The following CSMD3 variants were observed in gnomAD, a reference collection of about 807,000 sequenced individuals.
The protein encoded by CSMD3 is CUB and Sushi multiple domains 3.
Under a neutral mutation model 435.2 loss-of-function variants are expected in CSMD3, and 177 were observed. That is an observed-to-expected ratio of 0.41 (90% CI 0.36 to 0.46). The LOEUF is 0.46. Among genes scored for constraint, CSMD3 ranks in the 20% least tolerant of loss-of-function variants. CSMD3 has a pLI of 0.34. For synonymous variants in CSMD3, 1,656 were observed against 1,520.5 expected (o/e 1.09, Z -2.07); for missense variants, 4,265 against 4,504.6 (o/e 0.95, Z 1.52).
chr8:112,472,838 TA>T, intron 31 of CSMD3, 131 bp from the exon 32 acceptor site: 1 of 650,596 alleles, frequency 1.5e-6, no homozygotes, highest in South Asian at 1.7e-5. Context: ...CATCTTATAA[TA>T]AGATCCTCTA....
chr8:113,002,788 G>A (rs1211503244), intron 6 of CSMD3, among the ~76,000 whole-genome samples: 1 of 151,980 alleles, frequency 6.6e-6, no homozygotes, highest in Non-Finnish European at 1.5e-5. Flanking sequence ...TTTTACTAAG[G>A]ATCATGTTTT....
chr8:112,908,162 T>C (rs556492191), intron 10 of CSMD3, among the ~76,000 whole-genome samples: 3 of 151,604 alleles, frequency 2.0e-5, no homozygotes, highest in East Asian at 2.0e-4. Context: ...CTTTAGGAAA[T>C]ACTAGCTTAA....
intron 57 of CSMD3, among the ~76,000 whole-genome samples, chr8:112,288,835 TTATTAA>T (rs1819485631): frequency 6.6e-6 from 1 of 152,124 alleles, no homozygotes; most frequent in African/African-American, 2.4e-5. Flanking sequence ...AATATGTCAC[TTATTAA>T]TATTAGGATA....
chr8:112,945,624 G>A (rs893172238), intron 9 of CSMD3, among the ~76,000 whole-genome samples: 5 of 145,668 alleles, frequency 3.4e-5, no homozygotes, highest in Non-Finnish European at 7.6e-5. Context: ...GTGTGTGTGT[G>A]TATAATATTC....
At chr8:112,563,786 T>C (rs928340051) in intron 24 of CSMD3, among the ~76,000 whole-genome samples, 1 of 152,084 alleles carries the variant, frequency 6.6e-6, no homozygotes, top group African/African-American at 2.4e-5. Flanking sequence ...CAGTACTTGG[T>C]GTTGTACAGC....
rs527531548 is a variant in CSMD3, at chr8:113,430,803, ATT to A, written c.178+5872_178+5873del. 1.5e-3 allele frequency among the ~76,000 whole-genome samples: 234 copies of A among 152,320 alleles called. 1 individual carries two copies. Among genetic ancestry groups the A allele is most frequent in the African/African-American group, 5.3e-3 (221 of 41,566 alleles). On this transcript the variant is annotated intron_variant, in intron 1 of 70. Transcript: ENST00000297405. ...GTATATAATACATATGTTAATGTAAATTTAGACATTTTAAAGATTTCAAATTA... is the reference window on the plus strand; with the variant it reads ...GTATATAATACATATGTTAATGTAAATAGACATTTTAAAGATTTCAAATTA...
At position 113,063,643 on chromosome 8, in the gene CSMD3, C is replaced by A. The variant is rs542125222; in HGVS notation, c.917+35113G>T. On this transcript the variant is annotated intron_variant, in intron 5 of 70. Coordinates refer to ENST00000297405, the MANE Select transcript of CSMD3 (RefSeq NM_198123.2). ...CCGCTGTTCTTAATAAATCAGTCTG[C>A]AAACTACTGATCCATGTTACTGCAT... Among the ~76,000 whole-genome samples, 19 of 151,982 alleles carry A rather than the reference C, an allele frequency of 1.3e-4. No individual in the cohort carries two copies. In the East Asian group the frequency reaches 3.1e-3, roughly 25 times the overall value.
chr8:112,468,232 G>GTGTT (rs1818152244), intron 32 of CSMD3, among the ~76,000 whole-genome samples: 1 of 114,880 alleles, frequency 8.7e-6, no homozygotes. Context: ...ATTGCCTAAA[G>GTGTT]TATTTTTTTT....
At chr8:113,220,766 G>T (rs897390459) in intron 3 of CSMD3, among the ~76,000 whole-genome samples, 1 of 151,212 alleles carries the variant, frequency 6.6e-6, no homozygotes, top group Non-Finnish European at 1.5e-5. Flanking sequence ...AATTGCAAAG[G>T]GGGAAGTAAC....
intron 3 of CSMD3, among the ~76,000 whole-genome samples, chr8:113,196,309 T>C (rs764210285): frequency 1.3e-5 from 2 of 151,170 alleles, no homozygotes; most frequent in African/African-American, 2.4e-5. Flanking sequence ...TGGGTAAAGA[T>C]GGAATGAAAG....
At chr8:112,863,660 TAAAGG>T (rs2080887575) in intron 10 of CSMD3, among the ~76,000 whole-genome samples, 2 of 152,098 alleles carry the variant, frequency 1.3e-5, no homozygotes, top group African/African-American at 4.8e-5. Flanking sequence ...TTTGTCAAAG[TAAAGG>T]AGATTGGTGT....
rs562599404 is a variant in CSMD3 at position 113,408,980 on chromosome 8, T to C, written c.178+27697A>G. Among the ~76,000 whole-genome samples the C allele has an allele frequency of 6.6e-5, 10 of 151,994 alleles. No homozygotes were observed. In the East Asian group the frequency reaches 1.9e-3, roughly 30 times the overall value. ...GCTAATGCCCAGCCTATACAGAAAA[T>C]TTTTATAATAAAATTTCAAGAGTTT... On this transcript the variant is annotated intron_variant, in intron 1 of 70. Transcript: ENST00000297405.
At chr8:112,693,925 T>G (rs1423687145) in intron 13 of CSMD3, among the ~76,000 whole-genome samples, 2 of 151,660 alleles carry the variant, frequency 1.3e-5, no homozygotes, top group African/African-American at 4.8e-5. Flanking sequence ...ATTTATATAT[T>G]ATAAATTTCA....
At chr8:112,429,159 A>C (rs1337697799) in intron 32 of CSMD3, among the ~76,000 whole-genome samples, 1 of 152,046 alleles carries the variant, frequency 6.6e-6, no homozygotes, top group African/African-American at 2.4e-5. Flanking sequence ...TAGAACTAAA[A>C]TTTTGTATCC....
At chr8:112,375,950 G>T (rs10955620) in intron 38 of CSMD3, among the ~76,000 whole-genome samples, 3 of 151,992 alleles carry the variant, frequency 2.0e-5, no homozygotes, top group African/African-American at 7.2e-5. Flanking sequence ...ATACCAACCC[G>T]ACTGAAATAG....
intron 28 of CSMD3, among the ~76,000 whole-genome samples, chr8:112,513,204 A>G (rs1823314542): frequency 6.6e-6 from 1 of 152,240 alleles, no homozygotes; most frequent in Admixed American, 6.5e-5. Flanking sequence ...CATTCAGAAC[A>G]TGGGTAACTA....
chr8:112,747,941 C>A (rs1210368823), intron 13 of CSMD3, among the ~76,000 whole-genome samples: 1 of 132,362 alleles, frequency 7.6e-6, no homozygotes, highest in Non-Finnish European at 1.5e-5. Flanking sequence ...CCCGCCTGGG[C>A]GACAGAACAA....
intron 38 of CSMD3, among the ~76,000 whole-genome samples, chr8:112,363,049 T>C (rs940182615): frequency 8.6e-5 from 13 of 152,014 alleles, no homozygotes; most frequent in Non-Finnish European, 1.9e-4. Flanking sequence ...CTGTGTTTAA[T>C]GCAGGGAGAA....
At chr8:113,350,481 A>T (rs1444238847) in intron 1 of CSMD3, among the ~76,000 whole-genome samples, 1 of 152,010 alleles carries the variant, frequency 6.6e-6, no homozygotes, top group Non-Finnish European at 1.5e-5. Flanking sequence ...AACTTAAACA[A>T]CTCTCTTGAA....
Sources: allele counts gnomAD v4.1 joint callset (sites outside exome capture counted in the v4.1 genomes callset), GRCh38; gene constraint gnomAD v4.1.1; transcripts MANE v1.5; gene names NCBI Gene and HGNC (gene_info 2026-07-23, HGNC 2026-07-21).